DACH1: variants seen among roughly 807,000 people sequenced by gnomAD.
DACH1 encodes dachshund homolog 1.
In DACH1, 12 loss-of-function variants were observed where a neutral mutation model predicts 54.2. That is an observed-to-expected ratio of 0.22 (90% CI 0.14 to 0.36). The LOEUF (loss-of-function observed/expected upper bound fraction) is 0.36. Among genes scored for constraint, DACH1 ranks in the 10% least tolerant of loss-of-function variants. The pLI is 1.00. For missense variants in DACH1, 805 were observed against 929.8 expected, an observed-to-expected ratio of 0.87 and a Z score of 1.75; for synonymous variants, 386 against 366.2, an observed-to-expected ratio of 1.05 and a Z score of -0.62.
At chr13:71,741,756 A>T (rs1349371769) in intron 1 of DACH1, among the ~76,000 whole-genome samples, 1 of 152,154 alleles carries the variant, frequency 6.6e-6, no homozygotes, top group Admixed American at 6.6e-5. Flanking sequence ...ATTCTATTTG[A>T]GTGATTTTTC....
chr13:71,701,525 G>A (rs185291055), intron 1 of DACH1, among the ~76,000 whole-genome samples: 1 of 152,122 alleles, frequency 6.6e-6, no homozygotes, highest in African/African-American at 2.4e-5. Context: ...CATCAAAGAT[G>A]CAATCCAGAA....
chr13:71,566,337 G>C (rs1233217047), intron 4 of DACH1, among the ~76,000 whole-genome samples: 2 of 152,068 alleles, frequency 1.3e-5, no homozygotes, highest in Non-Finnish European at 2.9e-5. Context: ...TCTATAATGA[G>C]CATAATGTCT....
intron 2 of DACH1, among the ~76,000 whole-genome samples, chr13:71,659,576 A>C (rs1879362071): frequency 6.6e-6 from 1 of 152,156 alleles, no homozygotes; most frequent in Non-Finnish European, 1.5e-5. Context: ...AACAGATACA[A>C]ACCAGCTGGC....
intron 2 of DACH1, chr13:71,675,085 G>C: frequency 1.3e-6 from 2 of 1,539,680 alleles, no homozygotes; most frequent in South Asian, 1.1e-5. Context: ...AAAGCAGACT[G>C]CCCGCAAATC....
intron 2 of DACH1, among the ~76,000 whole-genome samples, chr13:71,643,823 T>C (rs1484761712): frequency 6.6e-6 from 1 of 152,186 alleles, no homozygotes; most frequent in African/African-American, 2.4e-5. Context: ...TCATTCTTTT[T>C]TATCTCAACC....
intron 10 of DACH1, among the ~76,000 whole-genome samples, chr13:71,450,169 C>CA (rs1555281302): frequency 2.1e-5 from 3 of 141,384 alleles, no homozygotes; most frequent in Non-Finnish European, 3.1e-5. Flanking sequence ...GACACAGATA[C>CA]TTTTTTTTTT....
At chr13:71,742,536 A>G (rs1884435381) in intron 1 of DACH1, among the ~76,000 whole-genome samples, 2 of 152,040 alleles carry the variant, frequency 1.3e-5, no homozygotes, top group Admixed American at 6.5e-5. Context: ...TCCATTGGGG[A>G]AAAAAAAGGA....
intron 2 of DACH1, among the ~76,000 whole-genome samples, chr13:71,643,150 TA>T (rs1878028904): frequency 6.6e-6 from 1 of 152,208 alleles, no homozygotes; most frequent in South Asian, 2.1e-4. Context: ...ATAATGTGAT[TA>T]GAAATTACAA....
At chr13:71,538,623 C>G (rs1882950035) in intron 6 of DACH1, among the ~76,000 whole-genome samples, 1 of 152,056 alleles carries the variant, frequency 6.6e-6, no homozygotes, top group South Asian at 2.1e-4. Flanking sequence ...TTTAGACCTT[C>G]ACATGAATTC....
At chr13:71,613,370 G>A (rs1172362748) in intron 3 of DACH1, among the ~76,000 whole-genome samples, 3 of 152,128 alleles carry the variant, frequency 2.0e-5, no homozygotes, top group Non-Finnish European at 2.9e-5. Flanking sequence ...GTCTTTTCAG[G>A]CTATGTTAAG....
At chr13:71,629,438 C>T (rs1191768045) in intron 3 of DACH1, among the ~76,000 whole-genome samples, 1 of 152,132 alleles carries the variant, frequency 6.6e-6, no homozygotes, top group Non-Finnish European at 1.5e-5. Flanking sequence ...CCCCTTTTTA[C>T]ATTACAAAAG....
chr13:71,759,258 C>T (rs1885300474), intron 1 of DACH1, among the ~76,000 whole-genome samples: 1 of 151,682 alleles, frequency 6.6e-6, no homozygotes, highest in Non-Finnish European at 1.5e-5. Flanking sequence ...CCATCATGAC[C>T]TTAAATGTGG....
intron 1 of DACH1, among the ~76,000 whole-genome samples, chr13:71,806,186 T>G (rs1887493177): frequency 6.6e-6 from 1 of 152,202 alleles, no homozygotes; most frequent in South Asian, 2.1e-4. Flanking sequence ...CCTAAAGAGA[T>G]ATATTCTTCA....
chr13:71,714,495 A>G (rs1287305568), intron 1 of DACH1, among the ~76,000 whole-genome samples: 2 of 152,090 alleles, frequency 1.3e-5, no homozygotes, highest in Non-Finnish European at 2.9e-5. Flanking sequence ...TAAGTTAGTT[A>G]TTAGTTGAAA....
At chr13:71,729,296 A>G (rs1883629929) in intron 1 of DACH1, among the ~76,000 whole-genome samples, 1 of 152,046 alleles carries the variant, frequency 6.6e-6, no homozygotes, top group African/African-American at 2.4e-5. Flanking sequence ...CTAAAATGGC[A>G]TTTCTGAATG....
intron 6 of DACH1, among the ~76,000 whole-genome samples, chr13:71,548,028 G>A (rs992468737): frequency 6.6e-6 from 1 of 152,120 alleles, no homozygotes; most frequent in Admixed American, 6.6e-5. Context: ...AGGGGTATAC[G>A]TGTGCACACG....
chr13:71,598,403 C>T (rs886196811), intron 3 of DACH1, among the ~76,000 whole-genome samples: 4 of 151,840 alleles, frequency 2.6e-5, no homozygotes, highest in Non-Finnish European at 4.4e-5. Context: ...TACAGCCATG[C>T]GCCACCACGC....
At chr13:71,564,047 T>A (rs920312969) in intron 4 of DACH1, among the ~76,000 whole-genome samples, 2 of 152,024 alleles carry the variant, frequency 1.3e-5, no homozygotes, top group African/African-American at 2.4e-5. Flanking sequence ...TGTTGCACAA[T>A]AAATTAATTT....
At chr13:71,779,216 TAC>T (rs1349672885) in intron 1 of DACH1, among the ~76,000 whole-genome samples, 1 of 98,832 alleles carries the variant, frequency 1.0e-5, no homozygotes, top group South Asian at 3.0e-4. Flanking sequence ...TGTATATATA[TAC>T]GTATATACGT....
Sources: gnomAD v4.1 joint callset for allele counts (sites outside exome capture counted in the v4.1 genomes callset) on GRCh38, gnomAD v4.1.1 for gene constraint, MANE v1.5 for transcripts, NCBI Gene and HGNC (gene_info 2026-07-23, HGNC 2026-07-21) for gene names.